SCCPDH: variants seen among roughly 807,000 people sequenced by gnomAD.
SCCPDH encodes the protein saccharopine dehydrogenase (putative).
A neutral mutation model predicts 51.5 loss-of-function variants in SCCPDH; 34 were observed. The observed-to-expected ratio is 0.66, with a 90% CI of 0.50 to 0.88. SCCPDH has a LOEUF of 0.88. Ranked by LOEUF, SCCPDH falls within the 40% of genes least tolerant of loss-of-function variation. SCCPDH has a pLI of 0.00. For missense variants in SCCPDH, 464 were observed against 527.1 expected (o/e 0.88, Z 1.17); for synonymous variants, 187 against 191.3 (o/e 0.98, Z 0.19).
intron 10 of SCCPDH, among the ~76,000 whole-genome samples, chr1:246,765,264 G>T (rs1388956008): frequency 6.6e-6 from 1 of 152,202 alleles, no homozygotes; most frequent in Non-Finnish European, 1.5e-5. Flanking sequence ...GCCCTTTTAG[G>T]TCACAGGCTA....
intron 5 of SCCPDH, among the ~76,000 whole-genome samples, chr1:246,745,488 A>G (rs1432526322): frequency 5.3e-5 from 8 of 152,182 alleles, no homozygotes; most frequent in African/African-American, 1.9e-4. Context: ...ATCAGATGAA[A>G]TACTGTAGGA....
intron 5 of SCCPDH, among the ~76,000 whole-genome samples, chr1:246,757,060 T>C (rs1313181705): frequency 6.6e-6 from 1 of 152,176 alleles, no homozygotes; most frequent in Non-Finnish European, 1.5e-5. Context: ...AGGTCAGTGC[T>C]AGGCCGGGCG....
At chr1:246,734,162 GT>G (rs1402492558) in intron 2 of SCCPDH, among the ~76,000 whole-genome samples, 1 of 152,108 alleles carries the variant, frequency 6.6e-6, no homozygotes, top group African/African-American at 2.4e-5. Context: ...TCTAAAGCAG[GT>G]GGACTCATGG....
chr1:246,731,204 G>C (rs768850723), intron 2 of SCCPDH, among the ~76,000 whole-genome samples: 1 of 152,132 alleles, frequency 6.6e-6, no homozygotes, highest in Non-Finnish European at 1.5e-5. Context: ...CAAGCACAGG[G>C]TACTAAGTGG....
At chr1:246,763,900 T>C (rs1425414536) in intron 9 of SCCPDH, among the ~76,000 whole-genome samples, 2 of 152,196 alleles carry the variant, frequency 1.3e-5, no homozygotes, top group Non-Finnish European at 2.9e-5. Flanking sequence ...TCCAGGCCCA[T>C]ATTTCCATTA....
rs750622812 is a variant in SCCPDH, at chr1:246,740,309, T to C, written c.514+8T>C. 5 of 1,586,420 alleles carry C rather than the reference T, an allele frequency of 3.2e-6. No individual in the cohort carries two copies. Among genetic ancestry groups the C allele is most frequent in the Admixed American group, 1.7e-5 (1 of 58,506 alleles). The stretch of plus-strand genomic sequence containing the variant: ...CCAGAAATAAAATGAATGGTAATTA[T>C]TGATCAATAAGCAATAATGGAATTT... On this transcript the variant is annotated splice_region_variant and intron_variant, in intron 4 of 11. Coordinates refer to ENST00000366510, the MANE Select transcript of SCCPDH (RefSeq NM_016002.3).
At chr1:246,754,590 G>A (rs1251274769) in intron 5 of SCCPDH, among the ~76,000 whole-genome samples, 1 of 152,222 alleles carries the variant, frequency 6.6e-6, no homozygotes, top group Non-Finnish European at 1.5e-5. Context: ...CAAGACTCAC[G>A]TCTCCAGCAG....
At chr1:246,726,159 G>C (rs931589725) in intron 1 of SCCPDH, among the ~76,000 whole-genome samples, 2 of 152,164 alleles carry the variant, frequency 1.3e-5, no homozygotes, top group Admixed American at 6.6e-5. Context: ...ACCCAGCCCT[G>C]ATGGTTTTGA....
chr1:246,732,607 T>C (rs1668508145), intron 2 of SCCPDH, among the ~76,000 whole-genome samples: 1 of 152,136 alleles, frequency 6.6e-6, no homozygotes, highest in Non-Finnish European at 1.5e-5. Context: ...AGGCTAGTCT[T>C]GAACTCCTGA....
At chr1:246,762,859 AAAAG>A (rs1281085045) in intron 9 of SCCPDH, among the ~76,000 whole-genome samples, 15 of 151,542 alleles carry the variant, frequency 9.9e-5, no homozygotes, top group Non-Finnish European at 2.1e-4. Context: ...AAAAAAAAAA[AAAAG>A]AATCACCTAG....
At chr1:246,738,607 CA>C (rs1415317120) in intron 3 of SCCPDH, among the ~76,000 whole-genome samples, 2 of 151,090 alleles carry the variant, frequency 1.3e-5, no homozygotes, top group Non-Finnish European at 3.0e-5. Context: ...GTAATCCTAG[CA>C]CTTTGGGAGG....
intron 5 of SCCPDH, among the ~76,000 whole-genome samples, chr1:246,754,603 G>A (rs1668902951): frequency 6.6e-6 from 1 of 152,186 alleles, no homozygotes; most frequent in Non-Finnish European, 1.5e-5. Context: ...TCCAGCAGTC[G>A]AGCTCCGCGA....
chr1:246,746,118 A>G (rs1381666292), intron 5 of SCCPDH, among the ~76,000 whole-genome samples: 2 of 151,056 alleles, frequency 1.3e-5, no homozygotes, highest in Non-Finnish European at 3.0e-5. Context: ...AAAAAAAAAA[A>G]AAAAAAAAAA....
chr1:246,751,776 CTTTTTTT>C (rs34218859), intron 5 of SCCPDH, among the ~76,000 whole-genome samples: 8 of 138,364 alleles, frequency 5.8e-5, no homozygotes, highest in Non-Finnish European at 1.1e-4. Flanking sequence ...ATAAATTCTC[CTTTTTTT>C]TTTTTTTTGA....
chr1:246,760,878 C>T (rs1180513314), intron 9 of SCCPDH, among the ~76,000 whole-genome samples: 1 of 152,154 alleles, frequency 6.6e-6, no homozygotes, highest in East Asian at 1.9e-4. Flanking sequence ...TTTCGTTAGT[C>T]TTGCCTCTTA....
chr1:246,746,518 T>C (rs938672520), intron 5 of SCCPDH, among the ~76,000 whole-genome samples: 1 of 152,124 alleles, frequency 6.6e-6, no homozygotes, highest in Non-Finnish European at 1.5e-5. Flanking sequence ...CATAAGACAA[T>C]ATTAGGGGTG....
intron 5 of SCCPDH, among the ~76,000 whole-genome samples, chr1:246,754,517 C>T (rs1052941741): frequency 6.6e-6 from 1 of 152,194 alleles, no homozygotes; most frequent in South Asian, 2.1e-4. Context: ...GGATAAGCTG[C>T]AGACAAAACC....
rs376420801 is a variant in SCCPDH, at chr1:246,735,978, C to T, written c.307C>T (p.Arg103Trp). 1.6e-5 allele frequency: 25 copies of T among 1,604,836 alleles called. No homozygotes were observed. Among genetic ancestry groups the T allele is most frequent in the African/African-American group, 2.7e-5 (2 of 74,680 alleles). Residue 103 changes from arginine (R) to tryptophan (W), a missense_variant, in exon 3 of 12, where the codon CGG (arginine) becomes TGG (tryptophan). By Grantham distance (101) the Arg-to-Trp change is moderately radical (BLOSUM62 -3). Transcript: ENST00000366510. ...TVVLNCVGPYRFYGEPVIKAC... is the reference protein window; with the variant it reads ...TVVLNCVGPYWFYGEPVIKAC... ...TTTGTTCTTTTTGTTTCCCTAGTAT[C>T]GGTTTTATGGAGAACCTGTAATAAA...
chr1:246,737,901 A>G (rs1357684472), intron 3 of SCCPDH, among the ~76,000 whole-genome samples: 1 of 152,056 alleles, frequency 6.6e-6, no homozygotes, highest in Non-Finnish European at 1.5e-5. Context: ...CATAATATCA[A>G]AACCTAATAA....
Sources: gnomAD v4.1 joint callset for allele counts (sites outside exome capture counted in the v4.1 genomes callset) on GRCh38, gnomAD v4.1.1 for gene constraint, MANE v1.5 for transcripts, NCBI Gene and HGNC (gene_info 2026-07-23, HGNC 2026-07-21) for gene names.